Variants in LRP2 observed in about 807,000 individuals in gnomAD.
LRP2 encodes LDL receptor related protein 2.
A neutral mutation model predicts 531.0 loss-of-function variants in LRP2; 172 were observed. That is an observed-to-expected ratio of 0.32 (90% CI 0.29 to 0.37). LRP2 has a LOEUF of 0.37. Among genes scored for constraint, LRP2 ranks in the 10% least tolerant of loss-of-function variants. The pLI is 1.00. For missense variants in LRP2, 5,167 were observed against 5,868.3 expected, an observed-to-expected ratio of 0.88 and a Z score of 3.90; for synonymous variants, 1,992 against 2,027.6, an observed-to-expected ratio of 0.98 and a Z score of 0.47.
At chr2:169,300,504 G>A (rs942125599) in intron 4 of LRP2, among the ~76,000 whole-genome samples, 2 of 151,986 alleles carry the variant, frequency 1.3e-5, no homozygotes, top group Middle Eastern at 3.2e-3. Flanking sequence ...GAAACAGGAC[G>A]AGGGTAAACG....
At chr2:169,201,935 G>T in intron 43 of LRP2, 65 bp from the exon 44 acceptor site, 1 of 1,591,026 alleles carries the variant, frequency 6.3e-7, no homozygotes, top group Non-Finnish European at 8.6e-7. Flanking sequence ...TTTTTAAAAA[G>T]ATACAATTAA....
intron 6 of LRP2, 72 bp from the exon 7 acceptor site, chr2:169,292,441 T>C (rs1282197271): frequency 2.1e-6 from 2 of 960,082 alleles, no homozygotes; most frequent in Admixed American, 3.4e-5. Flanking sequence ...CTCACCTCAC[T>C]GCCTAAGCAG....
intron 50 of LRP2, among the ~76,000 whole-genome samples, chr2:169,184,662 A>T (rs1370768680): frequency 6.6e-6 from 1 of 152,216 alleles, no homozygotes; most frequent in African/African-American, 2.4e-5. Flanking sequence ...GTCAGTTTCC[A>T]TAAGGGCAAT....
intron 40 of LRP2, 88 bp downstream of exon 40, chr2:169,205,934 AC>A: frequency 6.7e-7 from 1 of 1,493,132 alleles, no homozygotes. Context: ...TAAGCCCATA[AC>A]ACATTGGCTA....
intron 9 of LRP2, among the ~76,000 whole-genome samples, 178 bp from the exon 10 acceptor site, chr2:169,283,179 AAG>A (rs1683752936): frequency 6.6e-6 from 1 of 152,232 alleles, no homozygotes; most frequent in South Asian, 2.1e-4. Context: ...TGTAAGGAAA[AAG>A]AACATTTACA....
intron 9 of LRP2, among the ~76,000 whole-genome samples, chr2:169,285,826 A>G (rs1175567559): frequency 6.6e-6 from 1 of 152,248 alleles, no homozygotes; most frequent in South Asian, 2.1e-4. Flanking sequence ...TGAATGGTAG[A>G]AAGACACAAG....
At chr2:169,280,124 G>C (rs556358890) in intron 11 of LRP2, among the ~76,000 whole-genome samples, 2 of 152,048 alleles carry the variant, frequency 1.3e-5, no homozygotes, top group African/African-American at 4.8e-5. Context: ...ACTCCACTTC[G>C]AATAAAATTA....
chr2:169,182,292 C>A lies in LRP2; in HGVS notation c.9873G>T (p.Leu3291=). Residue 3291 remains leucine (L), a synonymous_variant, in exon 51 of 79, where the codon CTG becomes CTT. Coordinates refer to ENST00000649046, the MANE Select transcript of LRP2 (RefSeq NM_004525.3). ...SRKLYWLDAR[L]DGLFVSDLNG... ...TGAGGTCAGAGACAAAGAGGCCATC[C>A]AGGCGGGCATCCAACCAGTAGAGCT... The A allele has an allele frequency of 6.2e-7, 1 of 1,613,968 alleles. No homozygotes were observed. The highest frequency in any genetic ancestry group is 8.5e-7 in the Non-Finnish European group (1 of 1,179,936).
chr2:169,327,688 A>C (rs1264815215), intron 1 of LRP2, among the ~76,000 whole-genome samples: 139 of 60,818 alleles, frequency 2.3e-3, no homozygotes, highest in South Asian at 5.5e-3. Flanking sequence ...CGGCCAGCCG[A>C]CCCATCCGGG....
chr2:169,289,187 T>C, intron 8 of LRP2, 42 bp from the exon 9 acceptor site: 1 of 1,612,096 alleles, frequency 6.2e-7, no homozygotes. Flanking sequence ...TGGTGACCTC[T>C]GGACAAGACT....
At chr2:169,136,636 C>T (rs1176877491) in intron 76 of LRP2, among the ~76,000 whole-genome samples, 1 of 145,620 alleles carries the variant, frequency 6.9e-6, no homozygotes, top group Non-Finnish European at 1.5e-5. Context: ...CACTGAGCAC[C>T]TTGTGACCCC....
chr2:169,176,382 C>T (rs762615564), intron 54 of LRP2, 29 bp downstream of exon 54: 12 of 1,613,532 alleles, frequency 7.4e-6, no homozygotes, highest in Non-Finnish European at 1.0e-5. Context: ...GCTAGAGAGG[C>T]ACTGAGGAGA....
At chr2:169,227,573 A>G (rs1378708393) in intron 31 of LRP2, among the ~76,000 whole-genome samples, 1 of 152,230 alleles carries the variant, frequency 6.6e-6, no homozygotes, top group Non-Finnish European at 1.5e-5. Context: ...ATATTAAGAC[A>G]AAGTATGAAA....
intron 30 of LRP2, among the ~76,000 whole-genome samples, chr2:169,232,880 G>A (rs1244153666): frequency 6.6e-6 from 1 of 152,166 alleles, no homozygotes; most frequent in Non-Finnish European, 1.5e-5. Context: ...AGAGTTTTGA[G>A]GAGAGAGGAT....
chr2:169,156,277 C>G lies in LRP2; in HGVS notation c.12148G>C (p.Glu4050Gln), dbSNP rs1198038091. 2 of 1,613,638 alleles carry G rather than the reference C, an allele frequency of 1.2e-6. No homozygotes were observed. Among genetic ancestry groups the G allele is most frequent in the African/African-American group, 2.7e-5 (2 of 75,008 alleles). The change falls in exon 65 of 79, where the codon GAG (glutamate) becomes CAG (glutamine). Residue 4050 changes from glutamate (E) to glutamine (Q), a missense_variant. Coordinates refer to ENST00000649046, the MANE Select transcript of LRP2 (RefSeq NM_004525.3). ...SDRPGKRCAA[E>Q]GSSPLLLLPD... ...TCCCAACATGAACCCATCATACCCT[C>G]AGCTGCACATCGTTTTCCAGGGCGG... is the stretch of plus-strand genomic sequence containing the variant.
chr2:169,206,692 T>C lies in LRP2; in HGVS notation c.7028A>G (p.Asn2343Ser), dbSNP rs1246677267. 2.5e-6 allele frequency: 4 copies of C among 1,614,050 alleles called. No individual in the cohort carries two copies. The highest frequency in any genetic ancestry group is 3.4e-6 in the Non-Finnish European group (4 of 1,180,034). ...VQPRSPAEVN[N>S]NPCLENNGGC... ...ACCATTGTTTTCCAAGCAAGGGTTG[T>C]TGTTGACCTCTGCTGGTGACCGGGG... Residue 2343 changes from asparagine (N) to serine (S), a missense_variant, in exon 39 of 79, where the codon AAC becomes AGC. Physicochemically the swap from Asn to Ser is conservative, Grantham distance 46. Around this residue, in one of 6 missense-constraint regions of LRP2, gnomAD observed 2,811 missense variants for 3,058.0 expected, o/e 0.92. Coordinates refer to ENST00000649046, the MANE Select transcript of LRP2 (RefSeq NM_004525.3).
intron 26 of LRP2, among the ~76,000 whole-genome samples, chr2:169,239,273 T>C (rs1247387097): frequency 6.6e-6 from 1 of 152,208 alleles, no homozygotes; most frequent in Non-Finnish European, 1.5e-5. Context: ...AGCCATTTGG[T>C]ATTATTTTAA....
At chr2:169,138,547 T>C (rs751467417) in intron 75 of LRP2, 30 bp downstream of exon 75, 5 of 1,612,440 alleles carry the variant, frequency 3.1e-6, no homozygotes, top group Non-Finnish European at 4.2e-6. Context: ...AATGACAACC[T>C]TCAAATAATC....
At chr2:169,354,490 T>G (rs1685937987) in intron 1 of LRP2, among the ~76,000 whole-genome samples, 1 of 152,320 alleles carries the variant, frequency 6.6e-6, no homozygotes, top group East Asian at 1.9e-4. Flanking sequence ...TCCAGTAACC[T>G]TGAGGTCAGG....
Sources: gnomAD v4.1 joint callset for allele counts (sites outside exome capture counted in the v4.1 genomes callset) on GRCh38, gnomAD v4.1.1 for gene constraint, gnomAD v4.1.1 regional missense constraint, MANE v1.5 for transcripts, NCBI Gene and HGNC (gene_info 2026-07-23, HGNC 2026-07-21) for gene names.